Variants in ASPH observed in about 807,000 individuals in gnomAD.
ASPH encodes aspartate beta-hydroxylase, also known as aspartyl/asparaginyl beta-hydroxylase.
A neutral mutation model predicts 118.4 loss-of-function variants in ASPH; 100 were observed. The observed-to-expected ratio is 0.84, with a 90% CI of 0.72 to 1.00. ASPH has a LOEUF of 1.00. ASPH is among the 50% of genes least tolerant of loss of function. ASPH has a pLI of 0.00. For synonymous variants in ASPH, 315 were observed against 325.6 expected, an observed-to-expected ratio of 0.97 and a Z score of 0.35; for missense variants, 920 against 919.5, an observed-to-expected ratio of 1.00 and a Z score of -0.01.
chr8:61,614,432 A>C (rs1848399061), intron 14 of ASPH, among the ~76,000 whole-genome samples: 1 of 152,218 alleles, frequency 6.6e-6, no homozygotes, highest in Non-Finnish European at 1.5e-5. Flanking sequence ...TCAAGAACAT[A>C]TTGCACATTT....
chr8:61,699,893 T>C (rs1005593296), intron 1 of ASPH, among the ~76,000 whole-genome samples: 81 of 152,198 alleles, frequency 5.3e-4, no homozygotes, highest in African/African-American at 1.9e-3. Context: ...CTATGCCTAG[T>C]TGAACAGCAG....
At chr8:61,617,932 C>CAAAAAAAAAAAAA (rs10674052) in intron 14 of ASPH, among the ~76,000 whole-genome samples, 1 of 87,880 alleles carries the variant, frequency 1.1e-5, no homozygotes. Flanking sequence ...GACGCCATCT[C>CAAAAAAAAAAAAA]AAAAAAAAAA....
chr8:61,523,516 C>T (rs977472326), intron 22 of ASPH, among the ~76,000 whole-genome samples: 3 of 151,686 alleles, frequency 2.0e-5, no homozygotes, highest in Non-Finnish European at 4.4e-5. Flanking sequence ...GGGGTTTCAC[C>T]GTGTTGGTCA....
Position 61,651,032 on chromosome 8 carries a change from G to A in ASPH, c.490+18C>T. On this transcript the variant is annotated intron_variant, in intron 5 of 24. Coordinates refer to ENST00000379454, the MANE Select transcript of ASPH (RefSeq NM_004318.4). Reference sequence around the variant, plus strand: ...TTATTTTAGTAACTCAAAACAAAGAGCAGATTTTAATTCATACCATGTTCT... The same window carrying A: ...TTATTTTAGTAACTCAAAACAAAGAACAGATTTTAATTCATACCATGTTCT... 1 of 1,595,838 alleles carries A rather than the reference G, an allele frequency of 6.3e-7. No homozygotes were observed. Among genetic ancestry groups the A allele is most frequent in the East Asian group, 2.3e-5 (1 of 44,152 alleles).
chr8:61,710,358 C>T (rs1386477296), intron 1 of ASPH, among the ~76,000 whole-genome samples: 1 of 152,150 alleles, frequency 6.6e-6, no homozygotes, highest in Non-Finnish European at 1.5e-5. Flanking sequence ...TATTAACTAA[C>T]AACAAGATGG....
chr8:61,668,633 T>A (rs915347136), intron 3 of ASPH, among the ~76,000 whole-genome samples: 1 of 152,080 alleles, frequency 6.6e-6, no homozygotes. Flanking sequence ...AATACTAGAG[T>A]GAAGGACCAA....
At chr8:61,676,003 C>A in intron 3 of ASPH, 2 of 1,574,272 alleles carry the variant, frequency 1.3e-6, no homozygotes, top group Non-Finnish European at 8.6e-7. Context: ...CCTGCATAAG[C>A]CAAGGAAAGA....
At chr8:61,538,619 G>T (rs955710872) in intron 21 of ASPH, among the ~76,000 whole-genome samples, 12 of 152,108 alleles carry the variant, frequency 7.9e-5, no homozygotes, top group Admixed American at 2.0e-4. Flanking sequence ...TTGTCTAGGC[G>T]AAGTCATTCA....
intron 3 of ASPH, among the ~76,000 whole-genome samples, chr8:61,674,089 A>G (rs1468392847): frequency 1.3e-5 from 2 of 152,220 alleles, no homozygotes; most frequent in Non-Finnish European, 2.9e-5. Flanking sequence ...TTAACACAAA[A>G]TTTAATCATT....
chr8:61,690,121 A>C (rs1832198882), intron 1 of ASPH, among the ~76,000 whole-genome samples: 1 of 152,224 alleles, frequency 6.6e-6, no homozygotes, highest in Non-Finnish European at 1.5e-5. Flanking sequence ...GAAAACTCAA[A>C]CAAGTCTTGC....
chr8:61,643,264 T>C (rs886869833), intron 9 of ASPH, 122 bp downstream of exon 9: 2 of 914,868 alleles, frequency 2.2e-6, no homozygotes, highest in Non-Finnish European at 3.2e-6. Flanking sequence ...CAAAATCTCA[T>C]GCATTAGATG....
intron 24 of ASPH, among the ~76,000 whole-genome samples, chr8:61,509,800 A>AG (rs909882324): frequency 1.4e-4 from 22 of 152,028 alleles, no homozygotes; most frequent in African/African-American, 5.3e-4. Context: ...AGATGTGAGT[A>AG]GGGGGGGAGG....
chr8:61,513,704 C>T (rs76038278), intron 24 of ASPH, among the ~76,000 whole-genome samples: 65 of 152,240 alleles, frequency 4.3e-4, no homozygotes, highest in African/African-American at 1.5e-3. Context: ...CAGCTCCATC[C>T]TGTCACACAA....
At chr8:61,670,899 A>T (rs973035420) in intron 3 of ASPH, among the ~76,000 whole-genome samples, 1 of 152,104 alleles carries the variant, frequency 6.6e-6, no homozygotes, top group Admixed American at 6.6e-5. Flanking sequence ...AAGCAAAATC[A>T]TCTCTACAGA....
At chr8:61,581,653 T>C (rs1291879625) in intron 15 of ASPH, among the ~76,000 whole-genome samples, 1 of 152,212 alleles carries the variant, frequency 6.6e-6, no homozygotes, top group African/African-American at 2.4e-5. Context: ...CTGTTTTCCA[T>C]GTTGTCCCTC....
At chr8:61,579,541 C>T (rs1836704334) in intron 15 of ASPH, 1 of 1,540,178 alleles carries the variant, frequency 6.5e-7, no homozygotes, top group Non-Finnish European at 8.9e-7. Context: ...GGCCTGGGCT[C>T]CAGCTTTGGC....
chr8:61,695,050 C>T (rs912838116), intron 1 of ASPH, among the ~76,000 whole-genome samples: 1 of 152,210 alleles, frequency 6.6e-6, no homozygotes, highest in African/African-American at 2.4e-5. Context: ...TCCTCAGCAC[C>T]TGGGTCACCC....
intron 22 of ASPH, among the ~76,000 whole-genome samples, chr8:61,523,320 C>CT (rs781759491): frequency 0.011 from 1,324 of 118,242 alleles, 14 homozygotes; most frequent in Middle Eastern, 0.033. Context: ...TTCTTTCTTT[C>CT]TTTTTTTTTT....
At chr8:61,609,668 T>C (rs1846701476) in intron 14 of ASPH, among the ~76,000 whole-genome samples, 1 of 152,204 alleles carries the variant, frequency 6.6e-6, no homozygotes, top group Non-Finnish European at 1.5e-5. Flanking sequence ...ATATATTTGA[T>C]TTTTAAGTGA....
Sources: gnomAD v4.1 joint callset for allele counts (sites outside exome capture counted in the v4.1 genomes callset) on GRCh38, gnomAD v4.1.1 for gene constraint, MANE v1.5 for transcripts, NCBI Gene and HGNC (gene_info 2026-07-23, HGNC 2026-07-21) for gene names.